The following GABBR2 variants were observed in gnomAD, a reference collection of about 807,000 sequenced individuals.
GABBR2 encodes G-protein coupled receptor 51.
GABBR2 carries 23 observed loss-of-function variants against 105.6 expected under a neutral mutation model. That is an observed-to-expected ratio of 0.22 (90% CI 0.16 to 0.31). GABBR2 has a LOEUF of 0.31. Ranked by LOEUF, GABBR2 falls within the 10% of genes least tolerant of loss-of-function variation. GABBR2 has a pLI of 1.00. For synonymous variants in GABBR2, 478 were observed against 499.7 expected (o/e 0.96, Z 0.58); for missense variants, 734 against 1,245.5 (o/e 0.59, Z 6.18).
chr9:98,572,125 A>G (rs1041847452), intron 2 of GABBR2, among the ~76,000 whole-genome samples: 18 of 152,226 alleles, frequency 1.2e-4, no homozygotes, highest in Admixed American at 1.2e-3. Context: ...GGAGAGGGAC[A>G]GAACCAATCT....
intron 3 of GABBR2, among the ~76,000 whole-genome samples, chr9:98,501,153 C>CCCCTTT (rs1564094521): frequency 2.4e-5 from 3 of 125,736 alleles, no homozygotes; most frequent in Admixed American, 8.3e-5. Flanking sequence ...CCCCCTGCTC[C>CCCCTTT]TTTTTTTTTT....
chr9:98,671,318 G>A (rs1272554036), intron 1 of GABBR2, among the ~76,000 whole-genome samples: 1 of 152,150 alleles, frequency 6.6e-6, no homozygotes, highest in African/African-American at 2.4e-5. Flanking sequence ...GTCGTAGCAT[G>A]CATCAGTACT....
intron 2 of GABBR2, among the ~76,000 whole-genome samples, chr9:98,567,002 C>T (rs1440726113): frequency 6.6e-6 from 1 of 152,164 alleles, no homozygotes; most frequent in Non-Finnish European, 1.5e-5. Context: ...TTCAAATTCC[C>T]TCTCCAGTTC....
At chr9:98,615,749 C>G (rs1274822747) in intron 1 of GABBR2, among the ~76,000 whole-genome samples, 1 of 152,210 alleles carries the variant, frequency 6.6e-6, no homozygotes, top group Non-Finnish European at 1.5e-5. Context: ...GTGCCCAGAA[C>G]TGTGCTGGAC....
intron 1 of GABBR2, among the ~76,000 whole-genome samples, chr9:98,591,756 G>C (rs1829148721): frequency 1.3e-5 from 2 of 152,196 alleles, no homozygotes; most frequent in South Asian, 2.1e-4. Context: ...AATGATGGGA[G>C]AGACTGATGA....
At chr9:98,462,473 A>G (rs1826442851) in intron 6 of GABBR2, among the ~76,000 whole-genome samples, 1 of 152,244 alleles carries the variant, frequency 6.6e-6, no homozygotes, top group South Asian at 2.1e-4. Context: ...AGTATCCAAC[A>G]GGAAAAATGG....
At position 98,451,259 on chromosome 9, in the gene GABBR2, G is replaced by A. The variant is rs1016782702; in HGVS notation, c.1236+2722C>T. 3.9e-5 allele frequency among the ~76,000 whole-genome samples: 6 copies of A among 152,210 alleles called. No homozygotes were observed. The East Asian group carries it at 1.2e-3, about 29-fold the overall frequency. On this transcript the variant is annotated intron_variant, in intron 7 of 18. Transcript: ENST00000259455. ...CAGGGCTCCTTCTCTGTTCAACTGAGAAGCTCTTCTTTAATCTGTTTTATA... is the reference window on the plus strand; with the variant it reads ...CAGGGCTCCTTCTCTGTTCAACTGAAAAGCTCTTCTTTAATCTGTTTTATA...
chr9:98,319,726 CTCT>C (rs1412491462), intron 13 of GABBR2, among the ~76,000 whole-genome samples: 1 of 152,166 alleles, frequency 6.6e-6, no homozygotes, highest in African/African-American at 2.4e-5. Flanking sequence ...GATCCAGTTT[CTCT>C]TCTTATAGGT....
In GABBR2 at chr9:98,519,489, C is replaced by T. The variant is rs545277949; in HGVS notation, c.630+22384G>A. Among the ~76,000 whole-genome samples the T allele has an allele frequency of 1.8e-4, 27 of 152,348 alleles. No individual in the cohort carries two copies. The East Asian group carries it at 5.2e-3, about 29-fold the overall frequency. On this transcript the variant is annotated intron_variant, in intron 3 of 18. Coordinates refer to ENST00000259455, the MANE Select transcript of GABBR2 (RefSeq NM_005458.8). ...ACAGTGGGGACTCATTTACTGAGTG[C>T]CTGTCATATGTGGAGCCCTCAAACG...
chr9:98,372,066 C>A (rs1219561771), intron 11 of GABBR2, among the ~76,000 whole-genome samples: 1 of 152,236 alleles, frequency 6.6e-6, no homozygotes, highest in Non-Finnish European at 1.5e-5. Context: ...AGACCTTGGT[C>A]CCTGCTCAGG....
rs138181786 is a variant in GABBR2 at position 98,353,829 on chromosome 9, C to T, written c.1893+8886G>A. Among the ~76,000 whole-genome samples, 318 of 152,108 alleles carry T rather than the reference C, an allele frequency of 2.1e-3. 2 individuals are homozygous for T. Among genetic ancestry groups the T allele is most frequent in the African/African-American group, 7.3e-3 (303 of 41,498 alleles). On this transcript the variant is annotated intron_variant, in intron 13 of 18. Coordinates refer to ENST00000259455, the MANE Select transcript of GABBR2 (RefSeq NM_005458.8). Reference sequence around the variant, plus strand: ...GGTGGGGGGGGGTGGCGGAATTCCCCCATGCTGTTCTCATGATAGTAAATT... The same window carrying T: ...GGTGGGGGGGGGTGGCGGAATTCCCTCATGCTGTTCTCATGATAGTAAATT...
At chr9:98,494,857 T>A (rs1197758072) in intron 4 of GABBR2, among the ~76,000 whole-genome samples, 1 of 152,242 alleles carries the variant, frequency 6.6e-6, no homozygotes, top group Non-Finnish European at 1.5e-5. Context: ...GTTGCTCTGC[T>A]CTGCACACAA....
At chr9:98,537,486 T>C (rs1410910442) in intron 3 of GABBR2, among the ~76,000 whole-genome samples, 1 of 152,036 alleles carries the variant, frequency 6.6e-6, no homozygotes, top group Non-Finnish European at 1.5e-5. Context: ...GGTCTCACTG[T>C]CTCCCAAGTT....
intron 4 of GABBR2, among the ~76,000 whole-genome samples, chr9:98,491,350 T>A (rs113254769): frequency 7.2e-5 from 11 of 152,336 alleles, no homozygotes; most frequent in African/African-American, 2.6e-4. Context: ...CTGATGTAAA[T>A]AGCTAGAGTT....
At chr9:98,293,061 T>G (rs539979976) in intron 18 of GABBR2, among the ~76,000 whole-genome samples, 1 of 152,326 alleles carries the variant, frequency 6.6e-6, no homozygotes, top group South Asian at 2.1e-4. Flanking sequence ...AATTGGTGAT[T>G]TGGCTGCTTT....
intron 1 of GABBR2, among the ~76,000 whole-genome samples, chr9:98,699,689 A>G (rs541225023): frequency 1.7e-4 from 26 of 152,278 alleles, no homozygotes; most frequent in Non-Finnish European, 2.9e-4. Context: ...CAATTCACAG[A>G]GAACAGCAAA....
chr9:98,481,664 C>T (rs1458174963), intron 4 of GABBR2, among the ~76,000 whole-genome samples: 3 of 152,166 alleles, frequency 2.0e-5, no homozygotes, highest in African/African-American at 4.8e-5. Flanking sequence ...TCCTCATCTG[C>T]AAAATGAGGA....
intron 3 of GABBR2, among the ~76,000 whole-genome samples, chr9:98,506,156 T>C (rs1455546721): frequency 1.3e-5 from 2 of 152,108 alleles, no homozygotes; most frequent in African/African-American, 4.8e-5. Flanking sequence ...CGTGGAAATG[T>C]GGGTGCCTGG....
At chr9:98,296,495 A>G (rs1830384870) in intron 17 of GABBR2, among the ~76,000 whole-genome samples, 1 of 152,248 alleles carries the variant, frequency 6.6e-6, no homozygotes, top group South Asian at 2.1e-4. Context: ...TGTTTCAACC[A>G]GCAGCATTTG....
Sources: gnomAD v4.1 joint callset for allele counts (sites outside exome capture counted in the v4.1 genomes callset) on GRCh38, gnomAD v4.1.1 for gene constraint, MANE v1.5 for transcripts, NCBI Gene and HGNC (gene_info 2026-07-23, HGNC 2026-07-21) for gene names.